Variants in ESR1 observed in about 807,000 individuals in gnomAD.
ESR1 encodes estrogen receptor.
ESR1 carries 12 observed loss-of-function variants against 52.7 expected under a neutral mutation model. The observed-to-expected ratio is 0.23, with a 90% CI of 0.15 to 0.37. The LOEUF is 0.37. Ranked by LOEUF, ESR1 falls within the 10% of genes least tolerant of loss-of-function variation. ESR1 has a pLI of 1.00. For missense variants in ESR1, 584 were observed against 779.7 expected (o/e 0.75, Z 2.99); for synonymous variants, 305 against 316.8 (o/e 0.96, Z 0.39).
intron 4 of ESR1, among the ~76,000 whole-genome samples, chr6:151,956,012 T>C (rs1377735782): frequency 6.6e-6 from 1 of 152,210 alleles, no homozygotes; most frequent in Non-Finnish European, 1.5e-5. Flanking sequence ...CTAAGGATAA[T>C]GGTCTCCAAT....
intron 6 of ESR1, among the ~76,000 whole-genome samples, chr6:152,068,197 C>T (rs1343233671): frequency 6.6e-6 from 1 of 152,222 alleles, no homozygotes; most frequent in East Asian, 1.9e-4. Context: ...TGTGCCAAAA[C>T]CTTTGCTCGC....
intron 3 of ESR1, among the ~76,000 whole-genome samples, chr6:151,883,542 T>A (rs1476978750): frequency 1.3e-5 from 2 of 151,936 alleles, no homozygotes; most frequent in African/African-American, 4.8e-5. Context: ...CAAGCCCTGT[T>A]GGATTAGGAG....
chr6:151,707,447 G>A (rs915577121), intron 2 of ESR1, among the ~76,000 whole-genome samples: 1 of 151,656 alleles, frequency 6.6e-6, no homozygotes, highest in African/African-American at 2.4e-5. Flanking sequence ...ATTTCCGTTT[G>A]TAATATGTAG....
intron 6 of ESR1, among the ~76,000 whole-genome samples, chr6:152,078,108 A>T (rs1300851001): frequency 3.3e-5 from 5 of 152,084 alleles, no homozygotes; most frequent in African/African-American, 1.2e-4. Flanking sequence ...TGTGAGAGGG[A>T]CCTGGTGGGA....
intron 3 of ESR1, among the ~76,000 whole-genome samples, chr6:151,903,953 G>A (rs7739624): frequency 1.3e-5 from 2 of 152,138 alleles, no homozygotes; most frequent in African/African-American, 4.8e-5. Flanking sequence ...TAGCACAGCA[G>A]TATTTTTGTC....
chr6:152,094,630 T>G lies in ESR1; in HGVS notation c.1553+62T>G. The G allele has an allele frequency of 1.3e-6, 2 of 1,521,328 alleles. No individual in the cohort carries two copies. Among genetic ancestry groups the G allele is most frequent in the Non-Finnish European group, 1.8e-6 (2 of 1,110,018 alleles). The allele number at this position is 1,521,328 out of a possible 1,614,324, so 94.2% of individuals were successfully genotyped here. On this transcript the variant is annotated intron_variant, in intron 7 of 7. Coordinates refer to ENST00000206249, the MANE Select transcript of ESR1 (RefSeq NM_000125.4). The surrounding 1 kb of genome is among the most constrained non-coding windows in gnomAD (Gnocchi z 4.6). Reference sequence around the variant, plus strand: ...AAGAAAACATGCCCCCAAACCTATGTGACAGCTGGCCGGGAAGGACTGGTG... The same window carrying G: ...AAGAAAACATGCCCCCAAACCTATGGGACAGCTGGCCGGGAAGGACTGGTG...
At chr6:151,733,426 T>C (rs1412169077) in intron 2 of ESR1, among the ~76,000 whole-genome samples, 2 of 152,218 alleles carry the variant, frequency 1.3e-5, no homozygotes, top group African/African-American at 4.8e-5. Flanking sequence ...CCATCTCCAA[T>C]GCCTGGGGCC....
intron 2 of ESR1, among the ~76,000 whole-genome samples, chr6:151,733,708 T>C (rs1235203847): frequency 1.3e-5 from 2 of 152,190 alleles, no homozygotes; most frequent in Non-Finnish European, 2.9e-5. Flanking sequence ...CTATACCATA[T>C]GCTTAATTAA....
chr6:151,719,805 T>C (rs556374039), intron 2 of ESR1, among the ~76,000 whole-genome samples: 1 of 151,952 alleles, frequency 6.6e-6, no homozygotes, highest in Non-Finnish European at 1.5e-5. Context: ...GAGAAAAGAG[T>C]TGTAAAGGAG....
At chr6:151,700,668 C>CTTTTT (rs34905961) in intron 1 of ESR1, among the ~76,000 whole-genome samples, 3 of 117,190 alleles carry the variant, frequency 2.6e-5, no homozygotes, top group South Asian at 5.6e-4. Context: ...TTAAACTTTC[C>CTTTTT]TTTTTTTTTT....
At chr6:152,114,698 G>T (rs2747651) in intron 6 of ESR1, among the ~76,000 whole-genome samples, 6 of 150,812 alleles carry the variant, frequency 4.0e-5, no homozygotes, top group Admixed American at 1.3e-4. Context: ...GAGACCATCC[G>T]GGCTAAAACG....
rs181125480 is a variant in ESR1, at chr6:152,097,837, C to A, written c.1554-895C>A. On this transcript the variant is annotated intron_variant, in intron 7 of 7. Transcript: ENST00000206249. ...GATAAAGCCTGCTTCTCTAGGAATT[C>A]GCACTGAGGGTGTGAGTGTGTGCAC... Among the ~76,000 whole-genome samples the A allele has an allele frequency of 4.9e-4, 75 of 152,200 alleles. 1 individual carries two copies. Among genetic ancestry groups the A allele is most frequent in the Admixed American group, 2.3e-3 (35 of 15,294 alleles).
At chr6:151,776,760 C>T (rs1786031359) in intron 2 of ESR1, among the ~76,000 whole-genome samples, 1 of 151,562 alleles carries the variant, frequency 6.6e-6, no homozygotes, top group Non-Finnish European at 1.5e-5. Context: ...ATCGCTTGAA[C>T]CCGGGAGGCA....
At chr6:151,836,351 G>A (rs1783327376) in intron 1 of ESR1, among the ~76,000 whole-genome samples, 2 of 152,184 alleles carry the variant, frequency 1.3e-5, no homozygotes, top group African/African-American at 4.8e-5. Flanking sequence ...ATAAAGCAAA[G>A]GAGGAACAAA....
chr6:151,996,959 C>G (rs1164239756), intron 4 of ESR1, among the ~76,000 whole-genome samples: 1 of 152,010 alleles, frequency 6.6e-6, no homozygotes, highest in Non-Finnish European at 1.5e-5. Flanking sequence ...CAAACATGTT[C>G]CAGACCATCC....
chr6:151,969,156 A>C (rs1008827663), intron 4 of ESR1, among the ~76,000 whole-genome samples: 8 of 152,078 alleles, frequency 5.3e-5, no homozygotes, highest in Non-Finnish European at 1.0e-4. Context: ...TCCAGGAAGA[A>C]CCTGGTTACC....
intron 5 of ESR1, among the ~76,000 whole-genome samples, chr6:152,057,410 A>T (rs1585040966): frequency 6.6e-6 from 1 of 152,214 alleles, no homozygotes; most frequent in African/African-American, 2.4e-5. Context: ...TAAAGTGCTT[A>T]GACCAATTAA....
intron 2 of ESR1, among the ~76,000 whole-genome samples, chr6:151,863,008 C>T (rs1453363726): frequency 6.6e-6 from 1 of 152,076 alleles, no homozygotes; most frequent in Non-Finnish European, 1.5e-5. Flanking sequence ...CAACATTGTA[C>T]ATGATGAAAG....
intron 1 of ESR1, among the ~76,000 whole-genome samples, chr6:151,821,181 C>CGTGAA (rs10628667): frequency 0.069 from 10,515 of 151,920 alleles, 819 homozygotes; most frequent in African/African-American, 0.17. Flanking sequence ...GGAGGCATGC[C>CGTGAA]CAGTTCCTGT....
Sources: allele counts gnomAD v4.1 joint callset (sites outside exome capture counted in the v4.1 genomes callset), GRCh38; gene constraint gnomAD v4.1.1; non-coding constraint Gnocchi (gnomAD v3.1); transcripts MANE v1.5; gene names NCBI Gene and HGNC (gene_info 2026-07-23, HGNC 2026-07-21).